The following MBNL2 variants were observed in gnomAD, a reference collection of about 807,000 sequenced individuals.
MBNL2 encodes muscleblind like splicing regulator 2, also known as muscleblind-like protein 2.
MBNL2 carries 17 observed loss-of-function variants against 41.9 expected under a neutral mutation model. The observed-to-expected ratio is 0.41, with a 90% CI of 0.28 to 0.61. The LOEUF (loss-of-function observed/expected upper bound fraction) is 0.61. Among genes scored for constraint, MBNL2 ranks in the 20% least tolerant of loss-of-function variants. The probability of loss-of-function intolerance (pLI) is 0.35; values close to 1 mark genes in which losing one functional copy is unlikely to be tolerated. For synonymous variants in MBNL2, 195 were observed against 182.9 expected (o/e 1.07, Z -0.53); for missense variants, 336 against 505.6 (o/e 0.66, Z 3.22).
At chr13:97,250,572 T>C (rs1566366485) in intron 1 of MBNL2, among the ~76,000 whole-genome samples, 1 of 152,196 alleles carries the variant, frequency 6.6e-6, no homozygotes, top group Non-Finnish European at 1.5e-5. Flanking sequence ...GAGCTCCCTT[T>C]CTGACCCTCC....
At chr13:97,339,494 G>A (rs1391463001) in intron 3 of MBNL2, among the ~76,000 whole-genome samples, 2 of 152,138 alleles carry the variant, frequency 1.3e-5, no homozygotes, top group Non-Finnish European at 2.9e-5. Context: ...GCTGAGAGAT[G>A]ACGTGGACCA....
rs778513813 is a variant in MBNL2, at chr13:97,346,753, C to A, written c.541-51C>A. ...CCCGCGGTGGCCGGGGCCGCAGGGGCGCCTGGGCTCAGGCTTGCCTCTGCA... is the reference window on the plus strand; with the variant it reads ...CCCGCGGTGGCCGGGGCCGCAGGGGAGCCTGGGCTCAGGCTTGCCTCTGCA... On this transcript the variant is annotated intron_variant, in intron 4 of 8. Transcript: ENST00000679496. This position sits in a 1 kb window ranked among gnomAD's most constrained non-coding sequence, Gnocchi z 4.2. 2 of 1,559,310 alleles carry A rather than the reference C, an allele frequency of 1.3e-6. No individual in the cohort carries two copies. Among genetic ancestry groups the A allele is most frequent in the East Asian group, 2.3e-5 (1 of 44,324 alleles).
At chr13:97,377,790 G>A (rs901893422) in intron 8 of MBNL2, among the ~76,000 whole-genome samples, 6 of 152,230 alleles carry the variant, frequency 3.9e-5, no homozygotes, top group African/African-American at 7.2e-5. Flanking sequence ...TAGGGAAAGC[G>A]AAGAAGTGTG....
At chr13:97,213,571 A>G in the MBNL2 span, among the ~76,000 whole-genome samples, 1 of 152,152 alleles carries the variant, frequency 6.6e-6, no homozygotes, top group African/African-American at 2.4e-5. Flanking sequence ...CCTTTTCTTC[A>G]GAAACATTTG....
the MBNL2 span, among the ~76,000 whole-genome samples, chr13:97,144,928 C>G: frequency 6.6e-6 from 1 of 152,180 alleles, no homozygotes; most frequent in Non-Finnish European, 1.5e-5. Flanking sequence ...CAGTGGTACT[C>G]ATTAGGCGAA....
At chr13:97,154,939 C>T in the MBNL2 span, among the ~76,000 whole-genome samples, 2 of 151,936 alleles carry the variant, frequency 1.3e-5, no homozygotes, top group South Asian at 2.1e-4. Context: ...ATTGAGGAGG[C>T]GATGCTGAGA....
At chr13:97,160,536 C>G in the MBNL2 span, among the ~76,000 whole-genome samples, 1 of 152,052 alleles carries the variant, frequency 6.6e-6, no homozygotes, top group South Asian at 2.1e-4. Flanking sequence ...ATTTAAGTAG[C>G]TGGATTATGA....
At chr13:97,300,063 G>A (rs904332429) in intron 2 of MBNL2, among the ~76,000 whole-genome samples, 3 of 152,118 alleles carry the variant, frequency 2.0e-5, no homozygotes, top group Non-Finnish European at 4.4e-5. Flanking sequence ...TCAAGGCTGG[G>A]TCACTGATAC....
At chr13:97,146,492 C>T in the MBNL2 span, among the ~76,000 whole-genome samples, 2 of 152,230 alleles carry the variant, frequency 1.3e-5, no homozygotes, top group East Asian at 1.9e-4. Flanking sequence ...GTGCTGTTGG[C>T]CAGGGATCTC....
upstream of MBNL2, among the ~76,000 whole-genome samples, chr13:97,221,000 A>G (rs962658639): frequency 6.6e-6 from 1 of 152,228 alleles, no homozygotes; most frequent in Non-Finnish European, 1.5e-5. Context: ...TACATGGGGA[A>G]GACAAAGAAT....
chr13:97,273,878 T>G (rs2051610050), intron 1 of MBNL2, among the ~76,000 whole-genome samples: 1 of 152,038 alleles, frequency 6.6e-6, no homozygotes, highest in African/African-American at 2.4e-5. Flanking sequence ...CTGGCCAAGA[T>G]GGTGAAACCC....
intron 1 of MBNL2, among the ~76,000 whole-genome samples, chr13:97,230,899 T>C (rs1285521014): frequency 6.6e-6 from 1 of 152,226 alleles, no homozygotes. Flanking sequence ...TAGCTGTATC[T>C]CTCGTATATA....
the MBNL2 span, among the ~76,000 whole-genome samples, chr13:97,205,441 G>A: frequency 6.6e-6 from 1 of 152,004 alleles, no homozygotes; most frequent in Non-Finnish European, 1.5e-5. Context: ...ACAGAGTAAA[G>A]TTCTGCATAT....
chr13:97,288,871 C>T (rs1200486240), intron 2 of MBNL2, among the ~76,000 whole-genome samples: 2 of 152,208 alleles, frequency 1.3e-5, no homozygotes, highest in Non-Finnish European at 2.9e-5. Flanking sequence ...TGTGATCAAA[C>T]TTACCTAAGC....
the MBNL2 span, among the ~76,000 whole-genome samples, chr13:97,166,260 C>T: frequency 0.1 from 15,750 of 152,206 alleles, 922 homozygotes; most frequent in South Asian, 0.16. Flanking sequence ...ATAGTATGAA[C>T]TGAAAACAAT....
At chr13:97,230,951 A>G (rs2042299492) in intron 1 of MBNL2, among the ~76,000 whole-genome samples, 1 of 152,216 alleles carries the variant, frequency 6.6e-6, no homozygotes, top group Admixed American at 6.5e-5. Context: ...ATAAGCAGAG[A>G]GAGTATTTAA....
intron 3 of MBNL2, among the ~76,000 whole-genome samples, chr13:97,335,613 C>T (rs993537478): frequency 6.6e-6 from 1 of 151,890 alleles, no homozygotes; most frequent in Admixed American, 6.6e-5. Flanking sequence ...CAGAGGGCTC[C>T]AAGATAAATA....
At chr13:97,259,554 T>G (rs1382472174) in intron 1 of MBNL2, among the ~76,000 whole-genome samples, 1 of 152,216 alleles carries the variant, frequency 6.6e-6, no homozygotes, top group East Asian at 1.9e-4. Context: ...CCGATTCAGA[T>G]GCTCCTTTTA....
intron 2 of MBNL2, among the ~76,000 whole-genome samples, chr13:97,283,682 TAA>T (rs553797621): frequency 1.3e-3 from 196 of 152,298 alleles, no homozygotes; most frequent in African/African-American, 4.4e-3. Context: ...ATCTTCATCT[TAA>T]GAGAAGTCTG....
Sources: allele counts gnomAD v4.1 joint callset (sites outside exome capture counted in the v4.1 genomes callset), GRCh38; gene constraint gnomAD v4.1.1; non-coding constraint Gnocchi (gnomAD v3.1); transcripts MANE v1.5; gene names NCBI Gene and HGNC (gene_info 2026-07-23, HGNC 2026-07-21).